USP16: variants seen among roughly 807,000 people sequenced by gnomAD.
USP16 encodes ubiquitin specific peptidase 16.
Under a neutral mutation model 95.9 loss-of-function variants are expected in USP16, and 77 were observed. The ratio of observed to expected loss-of-function variants is 0.80; its 90% confidence interval spans 0.67 to 0.97. The LOEUF (loss-of-function observed/expected upper bound fraction) is 0.97. Ranked by LOEUF, USP16 falls within the 50% of genes least tolerant of loss-of-function variation. The probability of loss-of-function intolerance (pLI) is 0.00; values close to 1 mark genes in which losing one functional copy is unlikely to be tolerated. For synonymous variants in USP16, 303 were observed against 318.2 expected (o/e 0.95, Z 0.51); for missense variants, 943 against 959.9 (o/e 0.98, Z 0.23).
At position 29,047,172 on chromosome 21, in the gene USP16, C is replaced by A. The variant is rs1055754239; in HGVS notation, c.1862C>A (p.Ala621Glu). 4 of 1,614,122 alleles carry A rather than the reference C, an allele frequency of 2.5e-6. No homozygotes were observed. In the South Asian group the frequency reaches 4.4e-5, roughly 18 times the overall value. The change falls in exon 14 of 18, where the codon GCA becomes GAA. Residue 621 changes from alanine (A) to glutamate (E), a missense_variant. By Grantham distance (107) the Ala-to-Glu change is moderately radical. Coordinates refer to ENST00000399976, the MANE Select transcript of USP16 (RefSeq NM_006447.3). The stretch of plus-strand genomic sequence containing the variant: ...CCAGAAACTGCTTTCTGTACTCTTG[C>A]AAACAGGGAAGTTTTCAATACTGAT... The part of the protein sequence containing the change: ...EDPETAFCTL[A>E]NREVFNTDEC...
intron 13 of USP16, among the ~76,000 whole-genome samples, chr21:29,045,261 A>G (rs2085305757): frequency 6.6e-6 from 1 of 152,118 alleles, no homozygotes; most frequent in Admixed American, 6.5e-5. Flanking sequence ...TTCTTCTGGT[A>G]TTACAGAGTA....
chr21:29,042,234 G>A, intron 11 of USP16, 130 bp downstream of exon 11: 2 of 889,542 alleles, frequency 2.2e-6, no homozygotes, highest in South Asian at 3.7e-5. Flanking sequence ...ATTCAGATGT[G>A]CATGGTTCTT....
At chr21:29,051,190 GGAGAAAAGCAGGTT>G (rs1568901276) in intron 16 of USP16, among the ~76,000 whole-genome samples, 3 of 152,052 alleles carry the variant, frequency 2.0e-5, no homozygotes, top group Admixed American at 6.6e-5. Context: ...GGATATATAG[GGAGAAAAGCAGGTT>G]GAGAAAAGCA....
intron 13 of USP16, among the ~76,000 whole-genome samples, 161 bp downstream of exon 13, chr21:29,043,760 A>G (rs956678286): frequency 1.3e-5 from 2 of 152,186 alleles, no homozygotes; most frequent in East Asian, 1.9e-4. Flanking sequence ...CTGCAGGGAA[A>G]TTGCTTTGAG....
chr21:29,054,004 A>G, intron 17 of USP16, 46 bp downstream of exon 17: 1 of 1,613,084 alleles, frequency 6.2e-7, no homozygotes, highest in Non-Finnish European at 8.5e-7. Flanking sequence ...TTACGGCAAA[A>G]CCAAAAAGTA....
intron 1 of USP16, among the ~76,000 whole-genome samples, chr21:29,027,165 T>G (rs941699993): frequency 6.6e-6 from 1 of 152,238 alleles, no homozygotes; most frequent in Non-Finnish European, 1.5e-5. Context: ...TTTCATGTTT[T>G]CTAAGTTTGA....
chr21:29,029,706 A>G (rs567237772), intron 2 of USP16, among the ~76,000 whole-genome samples: 4 of 152,274 alleles, frequency 2.6e-5, no homozygotes, highest in African/African-American at 7.2e-5. Context: ...TAACTCCATC[A>G]TCTGGGGAGA....
intron 3 of USP16, among the ~76,000 whole-genome samples, chr21:29,033,665 T>C (rs2146366715): frequency 6.6e-6 from 1 of 152,364 alleles, no homozygotes; most frequent in East Asian, 1.9e-4. Flanking sequence ...TTCTAGAATA[T>C]TTGGTAATAG....
intron 16 of USP16, chr21:29,052,770 C>T (rs558486621): frequency 2.6e-5 from 4 of 152,330 alleles, no homozygotes; most frequent in African/African-American, 4.8e-5. Context: ...ATTTATGTCC[C>T]TTCAGCTCAG....
chr21:29,050,228 G>A (rs1293089334), intron 16 of USP16, 50 bp downstream of exon 16: 4 of 1,552,270 alleles, frequency 2.6e-6, no homozygotes, highest in Non-Finnish European at 3.5e-6. Context: ...TCAAATTGTG[G>A]CTTACCTAAT....
rs143810395 is a variant in USP16 at position 29,024,842 on chromosome 21, T to C, written c.-42+65T>C. 1.4e-4 allele frequency: 167 copies of C among 1,228,342 alleles called. 1 individual carries two copies. In the East Asian group the frequency reaches 4.8e-3, roughly 35 times the overall value. The allele number at this position is 1,228,342 out of a possible 1,614,324, so 76.1% of individuals were successfully genotyped here. A position where few individuals can be genotyped will look rare whatever the true frequency, so the allele number is the denominator to read the frequency against. The stretch of plus-strand genomic sequence containing the variant: ...TGGCTTTCTGCGCTGGGAGAGCTCC[T>C]GTTTTCCGCCCCAACTTCGTTCTCT... On this transcript the variant is annotated intron_variant, in intron 1 of 17. Coordinates refer to ENST00000399976, the MANE Select transcript of USP16 (RefSeq NM_006447.3).
intron 7 of USP16, 50 bp downstream of exon 7, chr21:29,038,480 GT>G: frequency 7.7e-7 from 1 of 1,298,316 alleles, no homozygotes; most frequent in South Asian, 1.3e-5. Context: ...CTGAATGTGT[GT>G]TTTCTAAATT....
chr21:29,038,254 GATAGA>G, intron 6 of USP16, 76 bp from the exon 7 acceptor site: 1 of 896,420 alleles, frequency 1.1e-6, no homozygotes, highest in Non-Finnish European at 1.7e-6. Context: ...TTTCTGTTTT[GATAGA>G]ATAGACACTT....
chr21:29,027,335 T>G (rs1201756236), intron 1 of USP16, among the ~76,000 whole-genome samples: 4 of 152,232 alleles, frequency 2.6e-5, no homozygotes, highest in Non-Finnish European at 1.5e-5. Flanking sequence ...GTGTGGAAAA[T>G]GTACAACAGT....
chr21:29,047,923 A>G (rs1473703940), intron 14 of USP16, among the ~76,000 whole-genome samples: 1 of 150,838 alleles, frequency 6.6e-6, no homozygotes, highest in East Asian at 1.9e-4. Flanking sequence ...GTGTGTGTGT[A>G]TGTATCTTAT....
chr21:29,026,261 G>A (rs1403528543), intron 1 of USP16, among the ~76,000 whole-genome samples: 1 of 152,072 alleles, frequency 6.6e-6, no homozygotes, highest in Admixed American at 6.6e-5. Context: ...GTTCAGACCA[G>A]CATGGCCAAG....
chr21:29,038,234 TG>T, intron 6 of USP16, 100 bp from the exon 7 acceptor site: 1 of 719,604 alleles, frequency 1.4e-6, no homozygotes, highest in East Asian at 2.6e-5. Flanking sequence ...TTTTCAGTGT[TG>T]GTCATGATTT....
chr21:29,039,271 T>TA, intron 8 of USP16, 115 bp downstream of exon 8: 1 of 1,170,824 alleles, frequency 8.5e-7, no homozygotes, highest in Non-Finnish European at 1.1e-6. Context: ...GTCAACCCTC[T>TA]ATATACAAAA....
chr21:29,052,995 T>G (rs1267916184), intron 16 of USP16: 1 of 152,052 alleles, frequency 6.6e-6, no homozygotes, highest in African/African-American at 2.4e-5. Flanking sequence ...CAAAAAAAAT[T>G]TTATGAAGTT....
Sources: gnomAD v4.1 joint callset for allele counts (sites outside exome capture counted in the v4.1 genomes callset) on GRCh38, gnomAD v4.1.1 for gene constraint, MANE v1.5 for transcripts, NCBI Gene and HGNC (gene_info 2026-07-23, HGNC 2026-07-21) for gene names.